FGF14: variants seen among roughly 807,000 people sequenced by gnomAD.
The protein encoded by FGF14 is fibroblast growth factor 14, also known as fibroblast growth factor homologous factor 4.
Under a neutral mutation model 25.5 loss-of-function variants are expected in FGF14, and 5 were observed. The ratio of observed to expected loss-of-function variants is 0.20; its 90% CI spans 0.10 to 0.41. The LOEUF (loss-of-function observed/expected upper bound fraction) is 0.41. FGF14 is among the 10% of genes least tolerant of loss of function. FGF14 has a pLI of 1.00. For missense variants in FGF14, 222 were observed against 320.1 expected, an observed-to-expected ratio of 0.69 and a Z score of 2.34; for synonymous variants, 138 against 118.3, an observed-to-expected ratio of 1.17 and a Z score of -1.08.
intron 1 of FGF14, among the ~76,000 whole-genome samples, chr13:101,887,451 C>G (rs924984692): frequency 6.6e-6 from 1 of 151,638 alleles, no homozygotes; most frequent in African/African-American, 2.4e-5. Context: ...TCATTTGCAG[C>G]AACATGGATG....
chr13:102,202,009 C>T (rs190591531), intron 1 of FGF14, among the ~76,000 whole-genome samples: 2 of 152,170 alleles, frequency 1.3e-5, no homozygotes, highest in Non-Finnish European at 2.9e-5. Flanking sequence ...AGTGAGCTCC[C>T]ATGAGATCTG....
intron 1 of FGF14, among the ~76,000 whole-genome samples, chr13:101,907,161 T>C (rs2032347699): frequency 6.6e-6 from 1 of 152,062 alleles, no homozygotes; most frequent in Non-Finnish European, 1.5e-5. Context: ...TTCTGTTTTA[T>C]AGAGACAAGC....
At chr13:101,916,425 G>C (rs1312075275) in intron 1 of FGF14, 28 bp downstream of exon 1, 4 of 1,612,246 alleles carry the variant, frequency 2.5e-6, no homozygotes, top group Middle Eastern at 1.7e-4. Context: ...GACCCGGGGC[G>C]CATCTCCCGA....
chr13:102,146,092 G>T (rs1053820494), intron 1 of FGF14, among the ~76,000 whole-genome samples: 7 of 152,172 alleles, frequency 4.6e-5, no homozygotes, highest in Non-Finnish European at 8.8e-5. Context: ...TTGTTCTTGT[G>T]ATTCATAAAA....
At chr13:101,951,839 C>T (rs1468319865) in intron 1 of FGF14, among the ~76,000 whole-genome samples, 1 of 152,134 alleles carries the variant, frequency 6.6e-6, no homozygotes, top group East Asian at 1.9e-4. Flanking sequence ...ATAAACCAGA[C>T]CATCCTCTTT....
intron 1 of FGF14, among the ~76,000 whole-genome samples, chr13:102,181,808 T>G (rs1002766012): frequency 6.6e-6 from 1 of 152,122 alleles, no homozygotes; most frequent in Non-Finnish European, 1.5e-5. Flanking sequence ...CCTTTTACCA[T>G]GTCAGGTAAT....
intron 1 of FGF14, among the ~76,000 whole-genome samples, chr13:102,103,654 C>T (rs1187681683): frequency 2.6e-5 from 4 of 152,172 alleles, no homozygotes; most frequent in African/African-American, 2.4e-5. Flanking sequence ...AAGATCTCCT[C>T]AATAATAATG....
rs536786671 is a variant in FGF14, at chr13:101,750,869, TA to T, written c.409-24060del. Among the ~76,000 whole-genome samples, 23 of 152,236 alleles carry T rather than the reference TA, an allele frequency of 1.5e-4. 1 individual carries two copies. The South Asian group carries it at 4.8e-3, about 32-fold the overall frequency. ...ATTATTCAGTGATAAAGGAAAATTA[TA>T]AAGCCATCAAAAAATATGAGAAACC... On this transcript the variant is annotated intron_variant, in intron 3 of 4. Transcript: ENST00000376143.
intron 1 of FGF14, among the ~76,000 whole-genome samples, chr13:102,128,146 G>T (rs773431263): frequency 7.6e-6 from 1 of 132,342 alleles, no homozygotes; most frequent in Non-Finnish European, 1.8e-5. Context: ...CCTTGGACAC[G>T]TTGCTTAACT....
intron 1 of FGF14, among the ~76,000 whole-genome samples, chr13:101,999,383 T>C (rs895426746): frequency 6.6e-6 from 1 of 152,072 alleles, no homozygotes; most frequent in Non-Finnish European, 1.5e-5. Context: ...GCATCAGCTG[T>C]TTCTGCTTTT....
At chr13:102,128,254 A>G (rs1401287838) in intron 1 of FGF14, among the ~76,000 whole-genome samples, 5 of 131,554 alleles carry the variant, frequency 3.8e-5, no homozygotes, top group African/African-American at 1.3e-4. Flanking sequence ...ATAGTAGCCC[A>G]TACTAGGAGC....
At chr13:102,090,527 G>C (rs773618098) in intron 1 of FGF14, among the ~76,000 whole-genome samples, 3 of 152,126 alleles carry the variant, frequency 2.0e-5, no homozygotes. Flanking sequence ...GTAGAAGCTC[G>C]ACCACTGGTA....
At chr13:102,258,960 A>T (rs1180259571) in intron 1 of FGF14, among the ~76,000 whole-genome samples, 3 of 152,198 alleles carry the variant, frequency 2.0e-5, no homozygotes, top group Non-Finnish European at 4.4e-5. Flanking sequence ...ATAGATAGAT[A>T]GTTTTACCTG....
At chr13:101,772,814 C>T (rs1316639426) in intron 3 of FGF14, among the ~76,000 whole-genome samples, 1 of 152,102 alleles carries the variant, frequency 6.6e-6, no homozygotes, top group East Asian at 1.9e-4. Flanking sequence ...CATTTGAAGG[C>T]TACCACTTAT....
chr13:102,158,521 G>T (rs1459877332), intron 1 of FGF14, among the ~76,000 whole-genome samples: 4 of 148,976 alleles, frequency 2.7e-5, no homozygotes, highest in African/African-American at 9.8e-5. Context: ...GGCCTGTTGT[G>T]GGGTGGGGGT....
At chr13:102,087,575 C>CTTTTTTTTTTTTT (rs1166446102) in intron 1 of FGF14, among the ~76,000 whole-genome samples, 114 of 79,864 alleles carry the variant, frequency 1.4e-3, no homozygotes, top group African/African-American at 1.7e-3. Flanking sequence ...CCATGCCTGG[C>CTTTTTTTTTTTTT]TTTTTTTTTT....
intron 1 of FGF14, among the ~76,000 whole-genome samples, chr13:101,966,771 G>A (rs921685229): frequency 2.0e-5 from 3 of 152,072 alleles, no homozygotes; most frequent in African/African-American, 7.2e-5. Flanking sequence ...GTCAGCCACC[G>A]CGCCTGGCCA....
intron 1 of FGF14, among the ~76,000 whole-genome samples, chr13:102,016,277 T>C (rs1489488935): frequency 6.6e-6 from 1 of 152,146 alleles, no homozygotes; most frequent in Non-Finnish European, 1.5e-5. Flanking sequence ...TATATATGAC[T>C]ATATGTATTA....
intron 1 of FGF14, among the ~76,000 whole-genome samples, chr13:102,385,484 T>C (rs1026528907): frequency 3.9e-5 from 6 of 152,232 alleles, no homozygotes; most frequent in African/African-American, 1.2e-4. Flanking sequence ...TGTCTTGTTC[T>C]TCAATTACAT....
Sources: gnomAD v4.1 joint callset for allele counts (sites outside exome capture counted in the v4.1 genomes callset) on GRCh38, gnomAD v4.1.1 for gene constraint, MANE v1.5 for transcripts, NCBI Gene and HGNC (gene_info 2026-07-23, HGNC 2026-07-21) for gene names.